BEND5: variants seen among roughly 807,000 people sequenced by gnomAD.
BEND5 encodes BEN domain containing 5, also known as BEN domain-containing protein 5.
Under a neutral mutation model 43.9 loss-of-function variants are expected in BEND5, and 22 were observed. That is an observed-to-expected ratio of 0.50 (90% confidence interval 0.36 to 0.72). BEND5 has a LOEUF of 0.72. BEND5 is among the 30% of genes least tolerant of loss of function. The probability of loss-of-function intolerance (pLI) is 0.00; values close to 1 mark genes in which losing one functional copy is unlikely to be tolerated. For synonymous variants in BEND5, 228 were observed against 225.9 expected, an observed-to-expected ratio of 1.01 and a Z score of -0.08; for missense variants, 428 against 550.6, an observed-to-expected ratio of 0.78 and a Z score of 2.23.
chr1:48,772,534 G>C (rs1047983044), intron 1 of BEND5, among the ~76,000 whole-genome samples: 3 of 152,188 alleles, frequency 2.0e-5, no homozygotes, highest in Admixed American at 6.5e-5. Flanking sequence ...CAGGGAAAGG[G>C]GAAGAGAGAG....
At chr1:48,763,281 C>T (rs1451078080) in intron 1 of BEND5, among the ~76,000 whole-genome samples, 1 of 152,168 alleles carries the variant, frequency 6.6e-6, no homozygotes, top group East Asian at 1.9e-4. Context: ...ATGGCTCATT[C>T]TTGCACTCAT....
Position 48,761,722 on chromosome 1 carries a change from GGGGTTTCTCTA to G in BEND5, c.227-263_227-253del, listed in dbSNP as rs532970598. 1.8e-3 allele frequency among the ~76,000 whole-genome samples: 279 copies of G among 152,306 alleles called. 1 individual carries two copies. The highest frequency in any genetic ancestry group is 3.0e-3 in the Non-Finnish European group (206 of 68,018). ...AAATAGCAGCCAGTGAATTTGCTTAGGGGTTTCTCTAAGTACATCCTAAAGGGTGGCCTTTT... is the reference window on the plus strand; with the variant it reads ...AAATAGCAGCCAGTGAATTTGCTTAGAGTACATCCTAAAGGGTGGCCTTTT... On this transcript the variant is annotated intron_variant, in intron 1 of 5. Coordinates refer to ENST00000371833, the MANE Select transcript of BEND5 (RefSeq NM_024603.4).
Position 48,736,384 on chromosome 1 carries a change from A to G in BEND5, c.963T>C (p.Asp321=), listed in dbSNP as rs1570420146. ...KWHQLQVTQG[D]SKYTKNLAVM... ...CTGCCAAGTTCTTCGTGTACTTGGA[A>G]TCTCCTTGGGTTACTTGTAGCTGGT... Residue 321 remains aspartate, a synonymous_variant, in exon 5 of 6, where the codon GAT becomes GAC. Transcript: ENST00000371833. This position sits in a 1 kb window ranked among gnomAD's most constrained non-coding sequence, Gnocchi z 4.0. The G allele has an allele frequency of 6.2e-7, 1 of 1,614,050 alleles. No individual in the cohort carries two copies. Among genetic ancestry groups the G allele is most frequent in the Middle Eastern group, 1.6e-4 (1 of 6,062 alleles).
chr1:48,760,761 G>T (rs1557959570), intron 2 of BEND5, among the ~76,000 whole-genome samples: 1 of 152,082 alleles, frequency 6.6e-6, no homozygotes, highest in Non-Finnish European at 1.5e-5. Flanking sequence ...TTCCTCTCAG[G>T]TATCTACTGC....
chr1:48,758,115 A>G (rs1199466153), intron 3 of BEND5, among the ~76,000 whole-genome samples: 6 of 152,224 alleles, frequency 3.9e-5, no homozygotes, highest in Non-Finnish European at 8.8e-5. Flanking sequence ...ATAGGGTGCA[A>G]TATAAGAACC....
chr1:48,761,571 C>A, intron 1 of BEND5, 101 bp from the exon 2 acceptor site: 2 of 1,246,484 alleles, frequency 1.6e-6, no homozygotes. Flanking sequence ...TAATTGAGGC[C>A]AGACCAGTTA....
rs1298401525 is a variant in BEND5, at chr1:48,727,884, G to GT, written c.*1dup. 1.2e-6 allele frequency: 2 copies of GT among 1,602,116 alleles called. No homozygotes were observed. The highest frequency in any genetic ancestry group is 3.4e-5 in the Admixed American group (2 of 59,028). On this transcript the variant is annotated 3_prime_UTR_variant, in exon 6 of 6. Transcript: ENST00000371833. ...ACGAAAGCTTTATGAAAAATCCAAA[G>GT]TTTATTGCAAATTGTATTTTGCTTC...
chr1:48,771,433 C>T (rs1464709867), intron 1 of BEND5, among the ~76,000 whole-genome samples: 1 of 152,174 alleles, frequency 6.6e-6, no homozygotes, highest in African/African-American at 2.4e-5. Context: ...TGCTTATGAA[C>T]CAGAACTCTG....
At chr1:48,735,466 G>A (rs1648879106) in intron 5 of BEND5, among the ~76,000 whole-genome samples, 1 of 151,566 alleles carries the variant, frequency 6.6e-6, no homozygotes, top group South Asian at 2.1e-4. Context: ...GTAGAGGAAG[G>A]AGGAAAGGAA....
At position 48,758,897 on chromosome 1, in the gene BEND5, C is replaced by T; in HGVS notation, c.745+3G>A. On this transcript the variant is annotated splice_donor_region_variant and intron_variant, in intron 3 of 5. Transcript: ENST00000371833. ...GTGGTAGGTGACCTGCTGGGGCACT[C>T]ACCGCTGCCAAGCCGCAGGAGCAGC... is the stretch of plus-strand genomic sequence containing the variant. 6.6e-7 allele frequency: 1 copy of T among 1,508,780 alleles called. No individual in the cohort carries two copies. The highest frequency in any genetic ancestry group is 8.8e-7 in the Non-Finnish European group (1 of 1,132,876). The allele number at this position is 1,508,780 out of a possible 1,614,324, so 93.5% of individuals were successfully genotyped here.
chr1:48,728,609 C>T (rs930945674), intron 5 of BEND5, among the ~76,000 whole-genome samples: 2 of 151,472 alleles, frequency 1.3e-5, no homozygotes, highest in East Asian at 3.9e-4. Flanking sequence ...TTTGTTTTAT[C>T]CATTTTATTG....
chr1:48,742,361 A>T (rs574388446), intron 4 of BEND5, among the ~76,000 whole-genome samples: 1 of 152,318 alleles, frequency 6.6e-6, no homozygotes, highest in Admixed American at 6.5e-5. Context: ...AGCTATTTTA[A>T]AATGTCAATT....
chr1:48,757,398 T>C (rs1643993725), intron 3 of BEND5, among the ~76,000 whole-genome samples: 1 of 152,252 alleles, frequency 6.6e-6, no homozygotes, highest in African/African-American at 2.4e-5. Flanking sequence ...ACTTTTGAAG[T>C]TGCAAACCAT....
At chr1:48,765,766 A>T (rs1297965025) in intron 1 of BEND5, among the ~76,000 whole-genome samples, 1 of 152,250 alleles carries the variant, frequency 6.6e-6, no homozygotes, top group East Asian at 1.9e-4. Flanking sequence ...CTCATGTTAC[A>T]ACATGGATGA....
At chr1:48,767,764 C>T (rs573492043) in intron 1 of BEND5, among the ~76,000 whole-genome samples, 1 of 152,296 alleles carries the variant, frequency 6.6e-6, no homozygotes, top group African/African-American at 2.4e-5. Context: ...AAATGTGCAG[C>T]CTCTGAAGAT....
intron 4 of BEND5, 34 bp downstream of exon 4, chr1:48,742,589 T>C: frequency 1.3e-6 from 2 of 1,487,828 alleles, no homozygotes; most frequent in Non-Finnish European, 1.8e-6. Flanking sequence ...TAACAAACAC[T>C]TGCAGGGAAT....
chr1:48,745,172 A>G (rs1345252106), intron 3 of BEND5, among the ~76,000 whole-genome samples: 5 of 152,174 alleles, frequency 3.3e-5, no homozygotes, highest in Non-Finnish European at 7.3e-5. Context: ...TCTTCATGAC[A>G]TGAGAGGGGA....
intron 1 of BEND5, among the ~76,000 whole-genome samples, chr1:48,762,115 A>G (rs1644285120): frequency 6.6e-6 from 1 of 152,184 alleles, no homozygotes; most frequent in Admixed American, 6.5e-5. Flanking sequence ...ACATGAGGAA[A>G]TTCAAACCCA....
intron 2 of BEND5, 114 bp downstream of exon 2, chr1:48,761,223 C>T: frequency 8.6e-7 from 1 of 1,166,138 alleles, no homozygotes; most frequent in East Asian, 2.6e-5. Flanking sequence ...AAATCATAGC[C>T]TGTGATACCA....
Sources: gnomAD v4.1 joint callset for allele counts (sites outside exome capture counted in the v4.1 genomes callset) on GRCh38, gnomAD v4.1.1 for gene constraint, Gnocchi (gnomAD v3.1) non-coding constraint, MANE v1.5 for transcripts, NCBI Gene and HGNC (gene_info 2026-07-23, HGNC 2026-07-21) for gene names.